The following ZNF83 variants were observed in gnomAD, a reference collection of about 807,000 sequenced individuals.
The protein encoded by ZNF83 is zinc finger protein 83.
For synonymous variants in ZNF83, 209 were observed against 213.0 expected, an observed-to-expected ratio of 0.98 and a Z score of 0.17; for missense variants, 552 against 629.9, an observed-to-expected ratio of 0.88 and a Z score of 1.32.
At chr19:52,633,384 G>C (rs182702017) in intron 2 of ZNF83, among the ~76,000 whole-genome samples, 141 of 152,224 alleles carry the variant, frequency 9.3e-4, no homozygotes, top group African/African-American at 3.3e-3. Flanking sequence ...CTCTTCACAC[G>C]GACGTGCATG....
chr19:52,617,693 T>TG (rs1568531161), intron 2 of ZNF83: 1 of 142,144 alleles, frequency 7.0e-6, no homozygotes. Flanking sequence ...ATCGTGTCAC[T>TG]GCACTCCAGC....
intron 3 of ZNF83, chr19:52,652,041 C>T (rs928356181): frequency 4.3e-6 from 1 of 232,292 alleles, no homozygotes; most frequent in Non-Finnish European, 8.7e-6. Flanking sequence ...TACTGTTCTG[C>T]AAGGAGTGAC....
In ZNF83 at chr19:52,655,458, C is replaced by G. The variant is rs1160609458; in HGVS notation, c.-74+103G>C. The G allele has an allele frequency of 1.0e-5, 11 of 1,104,778 alleles. No homozygotes were observed. In the Admixed American group the frequency reaches 1.0e-4, roughly 10 times the overall value. 68.4% of individuals were successfully genotyped at this position (1,104,778 alleles called of 1,614,324 possible). ...CTGCAGAAAACAATGACATGTACAT[C>G]AAAAGCATGTATGCGGCAAAATCAC... On this transcript the variant is annotated intron_variant, in intron 3 of 5. Transcript: ENST00000594682.
intron 1 of ZNF83, among the ~76,000 whole-genome samples, chr19:52,668,944 C>T (rs7250276): frequency 0.26 from 40,307 of 152,104 alleles, 5,580 homozygotes; most frequent in Middle Eastern, 0.34. Context: ...CCAGGGCCAT[C>T]CAGCTTCCAA....
chr19:52,654,159 C>T (rs2061477892), intron 3 of ZNF83: 7 of 1,604,918 alleles, frequency 4.4e-6, no homozygotes, highest in Middle Eastern at 1.7e-4. Context: ...TTCCAGCATG[C>T]CTTTGATCAC....
intron 2 of ZNF83, among the ~76,000 whole-genome samples, chr19:52,659,892 T>C (rs2061556355): frequency 6.6e-6 from 1 of 152,110 alleles, no homozygotes. Context: ...TCCTGTAATA[T>C]TATCAAGATA....
chr19:52,615,607 C>CA (rs894853243), intron 2 of ZNF83, among the ~76,000 whole-genome samples: 9 of 150,404 alleles, frequency 6.0e-5, no homozygotes, highest in East Asian at 3.9e-4. Flanking sequence ...AACTCCATCT[C>CA]AAAAAAAAAG....
At chr19:52,671,085 C>T (rs1367415555) in intron 1 of ZNF83, among the ~76,000 whole-genome samples, 3 of 152,162 alleles carry the variant, frequency 2.0e-5, no homozygotes, top group East Asian at 1.9e-4. Context: ...TCTTTGCAGA[C>T]GCACATGAAC....
At chr19:52,673,651 T>A (rs1790800686) in intron 1 of ZNF83, among the ~76,000 whole-genome samples, 1 of 152,172 alleles carries the variant, frequency 6.6e-6, no homozygotes, top group Admixed American at 6.5e-5. Flanking sequence ...TATCTTTTTG[T>A]TTTTTGTTTT....
At chr19:52,681,511 C>CT (rs1312320619) in intron 1 of ZNF83, among the ~76,000 whole-genome samples, 1 of 152,130 alleles carries the variant, frequency 6.6e-6, no homozygotes, top group Non-Finnish European at 1.5e-5. Flanking sequence ...TTCCCATGTG[C>CT]TATACACTGT....
chr19:52,639,177 C>T (rs2147215445), upstream of ZNF83, among the ~76,000 whole-genome samples: 1 of 151,992 alleles, frequency 6.6e-6, no homozygotes. Context: ...ATCTCTGTCT[C>T]CCAGGTTCAA....
chr19:52,619,026 A>C lies in ZNF83; in HGVS notation c.-233-4229T>G, dbSNP rs1231007076. ...TCCAGGCATTTCCACTCCTCCTGAGAGAATTCTATGGCCACATCCCTGAAT... is the reference window on the plus strand; with the variant it reads ...TCCAGGCATTTCCACTCCTCCTGAGCGAATTCTATGGCCACATCCCTGAAT... On this transcript the variant is annotated intron_variant, in intron 2 of 2. Transcript: ENST00000301096. 2.5e-5 allele frequency: 40 copies of C among 1,607,578 alleles called. 1 individual carries two copies. Among genetic ancestry groups the C allele is most frequent in the Non-Finnish European group, 3.2e-5 (38 of 1,176,242 alleles).
chr19:52,649,684 A>G (rs1262770275), intron 3 of ZNF83, among the ~76,000 whole-genome samples: 2 of 152,208 alleles, frequency 1.3e-5, no homozygotes, highest in Admixed American at 6.5e-5. Context: ...AACAAATGAG[A>G]AAATATGCAC....
At chr19:52,654,143 G>A in intron 3 of ZNF83, 1 of 1,605,766 alleles carries the variant, frequency 6.2e-7, no homozygotes, top group Non-Finnish European at 8.5e-7. Flanking sequence ...TCTTTAATAG[G>A]CTTGTTTCCA....
At chr19:52,661,266 G>C (rs2061576476) in intron 1 of ZNF83, among the ~76,000 whole-genome samples, 1 of 152,164 alleles carries the variant, frequency 6.6e-6, no homozygotes, top group South Asian at 2.1e-4. Flanking sequence ...CACTGCACCA[G>C]AGATCATGCA....
intron 3 of ZNF83, chr19:52,653,154 T>C: frequency 6.8e-7 from 1 of 1,477,832 alleles, no homozygotes; most frequent in Non-Finnish European, 9.4e-7. Context: ...TGTAAGGTTT[T>C]TCTCCGGTAT....
chr19:52,681,347 A>G (rs976918470), intron 1 of ZNF83, among the ~76,000 whole-genome samples: 2 of 151,808 alleles, frequency 1.3e-5, no homozygotes, highest in Admixed American at 6.6e-5. Context: ...GTTCAACATA[A>G]CAGGTGATAT....
rs34503824 is a variant in ZNF83, at chr19:52,658,136, CAA to C, written c.-200-2451_-200-2450del. ...CGGCAACCAGAGTGAAACTTCATCTCAAAAAAAAAAAAAAAAAGTAGTGAATA... is the reference window on the plus strand; with the variant it reads ...CGGCAACCAGAGTGAAACTTCATCTCAAAAAAAAAAAAAAAGTAGTGAATA... On this transcript the variant is annotated intron_variant, in intron 2 of 5. Coordinates refer to the ZNF83 transcript ENST00000594682. Among the ~76,000 whole-genome samples the C allele has an allele frequency of 4.7e-4, 49 of 103,750 alleles. 1 individual carries two copies. The highest frequency in any genetic ancestry group is 1.2e-3 in the Admixed American group (13 of 11,040). 68.1% of individuals were successfully genotyped at this position (103,750 alleles called of 152,430 possible). A position where few individuals can be genotyped will look rare whatever the true frequency, so the allele number is the denominator to read the frequency against.
chr19:52,688,397 C>T (rs1271561446), intron 1 of ZNF83, among the ~76,000 whole-genome samples: 3 of 150,836 alleles, frequency 2.0e-5, no homozygotes, highest in Non-Finnish European at 2.9e-5. Flanking sequence ...TGGTCTAGAA[C>T]TCCTGGACTC....
Sources: allele counts gnomAD v4.1 joint callset (sites outside exome capture counted in the v4.1 genomes callset), GRCh38; gene constraint gnomAD v4.1.1; transcripts MANE v1.5; gene names NCBI Gene and HGNC (gene_info 2026-07-23, HGNC 2026-07-21).